The following ARFGAP3 variants were observed in gnomAD, a reference collection of about 807,000 sequenced individuals.
ARFGAP3 encodes the protein ADP-ribosylation factor GTPase-activating protein 3.
ARFGAP3 carries 72 observed loss-of-function variants against 75.0 expected under a neutral mutation model. The observed-to-expected ratio is 0.96, with a 90% CI of 0.79 to 1.17. ARFGAP3 has a LOEUF of 1.17. Among genes scored for constraint, ARFGAP3 ranks in the 50% most tolerant of loss-of-function variants. The pLI is 0.00. For synonymous variants in ARFGAP3, 221 were observed against 217.9 expected, an observed-to-expected ratio of 1.01 and a Z score of -0.13; for missense variants, 620 against 626.6, an observed-to-expected ratio of 0.99 and a Z score of 0.11.
intron 14 of ARFGAP3, among the ~76,000 whole-genome samples, chr22:42,799,768 C>T (rs1191231946): frequency 6.6e-6 from 1 of 152,154 alleles, no homozygotes; most frequent in Non-Finnish European, 1.5e-5. Flanking sequence ...ACTGCCCCTC[C>T]CACTCGCTTG....
chr22:42,844,415 T>C (rs1362019054), intron 2 of ARFGAP3, among the ~76,000 whole-genome samples: 1 of 151,888 alleles, frequency 6.6e-6, no homozygotes, highest in Non-Finnish European at 1.5e-5. Flanking sequence ...TGAAACCCCG[T>C]CTCTAGTAAA....
intron 3 of ARFGAP3, among the ~76,000 whole-genome samples, chr22:42,837,855 T>A (rs866361749): frequency 1.4e-5 from 2 of 144,260 alleles, no homozygotes; most frequent in Non-Finnish European, 3.0e-5. Context: ...TAATTTAAAA[T>A]TTTTTTTTTG....
At chr22:42,800,481 A>C (rs1221369563) in intron 14 of ARFGAP3, among the ~76,000 whole-genome samples, 2 of 152,202 alleles carry the variant, frequency 1.3e-5, no homozygotes, top group Non-Finnish European at 2.9e-5. Flanking sequence ...CAGTGAGCCA[A>C]GACTGTGCCA....
Position 42,823,691 on chromosome 22 carries a change from T to G in ARFGAP3, c.637A>C (p.Ile213Leu), listed in dbSNP as rs919575760. 6.4e-7 allele frequency: 1 copy of G among 1,573,582 alleles called. No individual in the cohort carries two copies. Among genetic ancestry groups the G allele is most frequent in the South Asian group, 1.2e-5 (1 of 84,892 alleles). ...PTKATLEVSS[I>L]IKKKPNQAKK... The stretch of plus-strand genomic sequence containing the variant: ...GCTTGATTTGGTTTCTTTTTTATGA[T>G]AGAGGATACCTCTGCCAAAAAATAA... The change falls in exon 8 of 16, where the codon ATC becomes CTC. Residue 213 changes from isoleucine (I) to leucine (L), a missense_variant. Physicochemically the swap from Ile to Leu is conservative, Grantham distance 5. Coordinates refer to ENST00000263245, the MANE Select transcript of ARFGAP3 (RefSeq NM_014570.5).
chr22:42,855,627 G>A (rs1322996086), intron 1 of ARFGAP3, among the ~76,000 whole-genome samples: 2 of 151,746 alleles, frequency 1.3e-5, no homozygotes, highest in African/African-American at 2.4e-5. Context: ...AGGTTGCAGT[G>A]AGCTGAGATC....
At chr22:42,806,464 T>C (rs758338288) in intron 14 of ARFGAP3, among the ~76,000 whole-genome samples, 22 of 152,202 alleles carry the variant, frequency 1.4e-4, no homozygotes, top group Non-Finnish European at 2.9e-4. Context: ...AAGAGGGATA[T>C]GGGAGACAGG....
chr22:42,848,744 G>A (rs910439745), intron 1 of ARFGAP3, among the ~76,000 whole-genome samples: 1 of 152,154 alleles, frequency 6.6e-6, no homozygotes, highest in African/African-American at 2.4e-5. Flanking sequence ...CCCAGCCAGA[G>A]GAAGAGGTTG....
rs186161582 is a variant in ARFGAP3, at chr22:42,855,428, G to A, written c.69+1686C>T. On this transcript the variant is annotated intron_variant, in intron 1 of 15. Transcript: ENST00000263245. The stretch of plus-strand genomic sequence containing the variant: ...AGGCTGGGCGCGGTGGCTCACGCCT[G>A]TAATCCCAGCACTTCAGGAGGCCGA... Among the ~76,000 whole-genome samples the A allele has an allele frequency of 1.9e-3, 295 of 152,328 alleles. 2 individuals carry two copies. The highest frequency in any genetic ancestry group is 6.7e-3 in the African/African-American group (279 of 41,572).
chr22:42,816,770 A>G (rs1227989441), intron 11 of ARFGAP3, among the ~76,000 whole-genome samples: 1 of 152,190 alleles, frequency 6.6e-6, no homozygotes, highest in African/African-American at 2.4e-5. Flanking sequence ...TGGCATTCTG[A>G]AGCACAGAAA....
chr22:42,799,400 A>G (rs574161240), intron 14 of ARFGAP3: 1 of 220,588 alleles, frequency 4.5e-6, no homozygotes, highest in African/African-American at 2.3e-5. Flanking sequence ...ATGAGTTCAA[A>G]TCCTGGCACT....
intron 14 of ARFGAP3, among the ~76,000 whole-genome samples, chr22:42,802,839 A>G (rs1924939544): frequency 6.6e-6 from 1 of 151,426 alleles, no homozygotes; most frequent in South Asian, 2.1e-4. Flanking sequence ...CTGACCCGTG[A>G]TCTGCCCGCC....
chr22:42,842,582 G>A (rs1926834570), intron 2 of ARFGAP3, among the ~76,000 whole-genome samples: 1 of 151,834 alleles, frequency 6.6e-6, no homozygotes, highest in Non-Finnish European at 1.5e-5. Flanking sequence ...AGAGGTAGCT[G>A]GGATTAGAGG....
intron 11 of ARFGAP3, among the ~76,000 whole-genome samples, chr22:42,814,541 G>A (rs1473920179): frequency 1.3e-5 from 2 of 152,158 alleles, no homozygotes; most frequent in Admixed American, 6.5e-5. Context: ...AGTGGCTTCT[G>A]GGTCTAACTC....
chr22:42,817,186 CT>C lies in ARFGAP3; in HGVS notation c.1019del (p.Lys340SerfsTer24). On this transcript the variant is annotated frameshift_variant, in exon 11 of 16. Coordinates refer to ENST00000263245, the MANE Select transcript of ARFGAP3 (RefSeq NM_014570.5). LOFTEE classifies it high-confidence loss of function. ...ESPIMAKPRK[K>X]YNDDSDDSYF... ...ATGAATCGTCACTGTCATCATTATACTTTTTTCTTGGTTTTGCCATAATGGG... is the reference window on the plus strand; with the variant it reads ...ATGAATCGTCACTGTCATCATTATACTTTTTCTTGGTTTTGCCATAATGGG... 3 of 1,613,612 alleles carry C rather than the reference CT, an allele frequency of 1.9e-6. No individual in the cohort carries two copies. Among genetic ancestry groups the C allele is most frequent in the Non-Finnish European group, 2.5e-6 (3 of 1,179,762 alleles).
At chr22:42,813,681 G>A (rs1302601514) in intron 11 of ARFGAP3, among the ~76,000 whole-genome samples, 7 of 152,264 alleles carry the variant, frequency 4.6e-5, no homozygotes, top group African/African-American at 7.2e-5. Context: ...AGTCATCCAC[G>A]AGAGGCTCTC....
At chr22:42,813,028 T>TG (rs1925436187) in intron 11 of ARFGAP3, among the ~76,000 whole-genome samples, 2 of 152,262 alleles carry the variant, frequency 1.3e-5, no homozygotes, top group South Asian at 4.1e-4. Flanking sequence ...AGATGTGGGA[T>TG]GTGTGCTGGC....
rs371485035 is a variant in ARFGAP3, at chr22:42,822,314, C to A, written c.768G>T (p.Lys256Asn). The A allele has an allele frequency of 1.2e-6, 2 of 1,613,972 alleles. No homozygotes were observed. Among genetic ancestry groups the A allele is most frequent in the Non-Finnish European group, 1.7e-6 (2 of 1,180,018 alleles). Reference sequence around the variant, plus strand: ...CCACCTTGGCCAGGTCTTCCTGCTCCTTCATTTTATCCGCAGCTTGAGCTT... The same window carrying A: ...CCACCTTGGCCAGGTCTTCCTGCTCATTCATTTTATCCGCAGCTTGAGCTT... ...EKQAQAADKM[K>N]EQEDLAKVVS... The change falls in exon 9 of 16, where the codon AAG becomes AAT. Residue 256 changes from lysine (K) to asparagine (N), a missense_variant. Lys to Asn is a moderately conservative substitution (Grantham distance 94). Coordinates refer to ENST00000263245, the MANE Select transcript of ARFGAP3 (RefSeq NM_014570.5).
intron 6 of ARFGAP3, among the ~76,000 whole-genome samples, chr22:42,829,798 C>T (rs1926205166): frequency 1.3e-5 from 2 of 152,156 alleles, no homozygotes; most frequent in Admixed American, 6.5e-5. Context: ...ATAAAAAAGG[C>T]TTTACCCATG....
chr22:42,822,290 C>T lies in ARFGAP3; in HGVS notation c.792G>A (p.Val264=), dbSNP rs778133705. ...CTTACATTGATTCTTCTTTAGATAC[C>T]ACCTTGGCCAGGTCTTCCTGCTCCT... The part of the protein sequence containing the change: ...KMKEQEDLAK[V]VSKEESIVSS... The change falls in exon 9 of 16, where the codon GTG becomes GTA. Residue 264 remains valine (V), a synonymous_variant. Transcript: ENST00000263245. 1.9e-6 allele frequency: 3 copies of T among 1,613,244 alleles called. No individual in the cohort carries two copies. The highest frequency in any genetic ancestry group is 2.5e-6 in the Non-Finnish European group (3 of 1,179,742).
Sources: gnomAD v4.1 joint callset for allele counts (sites outside exome capture counted in the v4.1 genomes callset) on GRCh38, gnomAD v4.1.1 for gene constraint, MANE v1.5 for transcripts, NCBI Gene and HGNC (gene_info 2026-07-23, HGNC 2026-07-21) for gene names.